Variants in PRKACB observed in about 807,000 individuals in gnomAD.
PRKACB encodes the protein protein kinase cAMP-activated catalytic subunit beta.
In PRKACB, 16 loss-of-function variants were observed where a neutral mutation model predicts 51.4. That is an observed-to-expected ratio of 0.31 (90% CI 0.21 to 0.47). PRKACB has a LOEUF of 0.47. PRKACB is among the 20% of genes least tolerant of loss of function. PRKACB has a pLI of 1.00. For missense variants in PRKACB, 309 were observed against 464.5 expected (o/e 0.67, Z 3.08); for synonymous variants, 147 against 154.4 (o/e 0.95, Z 0.35).
intron 1 of PRKACB, among the ~76,000 whole-genome samples, chr1:84,145,403 T>C (rs1264978632): frequency 6.6e-6 from 1 of 152,136 alleles, no homozygotes; most frequent in East Asian, 1.9e-4. Flanking sequence ...GATCATCAAA[T>C]AGCACTAGCG....
chr1:84,097,859 T>C (rs1649045100), intron 1 of PRKACB, among the ~76,000 whole-genome samples: 1 of 152,098 alleles, frequency 6.6e-6, no homozygotes, highest in Non-Finnish European at 1.5e-5. Context: ...AGGCCCTCAA[T>C]ACATTGGATA....
chr1:84,150,604 T>C (rs1449555324), intron 1 of PRKACB, among the ~76,000 whole-genome samples: 5 of 152,130 alleles, frequency 3.3e-5, no homozygotes, highest in Non-Finnish European at 7.3e-5. Flanking sequence ...ACTGGTTGTT[T>C]TTTTAAAACA....
chr1:84,203,749 G>A (rs1441488113), intron 8 of PRKACB, among the ~76,000 whole-genome samples: 1 of 151,966 alleles, frequency 6.6e-6, no homozygotes, highest in East Asian at 1.9e-4. Context: ...AGGAAATAGA[G>A]CATCAATCTT....
rs200658497 is a variant in PRKACB, at chr1:84,216,342, G to T, written c.1071+2025G>T. 1.1e-3 allele frequency among the ~76,000 whole-genome samples: 161 copies of T among 151,766 alleles called. 1 individual carries two copies. The highest frequency in any genetic ancestry group is 3.4e-3 in the African/African-American group (140 of 41,384). On this transcript the variant is annotated intron_variant, in intron 9 of 9. Coordinates refer to ENST00000370685, the MANE Select transcript of PRKACB (RefSeq NM_182948.4). ...TGACAGAACAAGACCCCGTCTCAAA[G>T]AAATAAATAAATAAATAAAGATTAC...
At chr1:84,175,132 C>T (rs1660794271) in intron 1 of PRKACB, 13 of 1,253,764 alleles carry the variant, frequency 1.0e-5, no homozygotes, top group Non-Finnish European at 1.3e-5. Context: ...TTTTATTTTC[C>T]TTATAAAGTT....
At chr1:84,128,928 G>C (rs1651904053) in intron 1 of PRKACB, among the ~76,000 whole-genome samples, 1 of 152,108 alleles carries the variant, frequency 6.6e-6, no homozygotes, top group South Asian at 2.1e-4. Context: ...ATGTGACTGA[G>C]GAACTAAATT....
At chr1:84,196,382 G>A (rs953312117) in intron 5 of PRKACB, among the ~76,000 whole-genome samples, 1 of 151,978 alleles carries the variant, frequency 6.6e-6, no homozygotes, top group South Asian at 2.1e-4. Context: ...ACTATTTTAG[G>A]TTTATATTTT....
At chr1:84,144,223 A>G (rs1653725647), upstream of PRKACB, 2 of 1,427,734 alleles carry the variant, frequency 1.4e-6, no homozygotes, top group Non-Finnish European at 1.8e-6. Flanking sequence ...TTAACAGGAA[A>G]CAGAACAGCA....
At chr1:84,232,318 G>T (rs1427100557) in intron 9 of PRKACB, among the ~76,000 whole-genome samples, 1 of 152,058 alleles carries the variant, frequency 6.6e-6, no homozygotes, top group Non-Finnish European at 1.5e-5. Flanking sequence ...TTTTACATTT[G>T]CTGAGGAGAG....
chr1:84,177,035 A>G (rs1002385102), intron 1 of PRKACB, among the ~76,000 whole-genome samples: 1 of 152,036 alleles, frequency 6.6e-6, no homozygotes, highest in African/African-American at 2.4e-5. Flanking sequence ...CTTAGCATAA[A>G]GTGACAGGAG....
intron 1 of PRKACB, among the ~76,000 whole-genome samples, chr1:84,171,920 A>C (rs1258765219): frequency 6.6e-6 from 1 of 151,696 alleles, no homozygotes; most frequent in Non-Finnish European, 1.5e-5. Flanking sequence ...TCCCTTTTAC[A>C]ATAGCAACCA....
At chr1:84,144,619 C>T (rs1388054868) in intron 1 of PRKACB, 71 bp downstream of exon 1, 6 of 1,402,446 alleles carry the variant, frequency 4.3e-6, no homozygotes, top group Non-Finnish European at 5.8e-6. Flanking sequence ...TACAATCAAA[C>T]ATAAAGAACC....
rs41301188 is a variant in PRKACB at position 84,235,074 on chromosome 1, G to C, written c.1072-106G>C. On this transcript the variant is annotated intron_variant, in intron 9 of 9. Coordinates refer to ENST00000370685, the MANE Select transcript of PRKACB (RefSeq NM_182948.4). ...ATTTTAGGAACCTAATGGCATCTAA[G>C]GATTTCACCGTGTAATAACAGTGGG... 5.5e-3 allele frequency: 6,789 copies of C among 1,240,830 alleles called. 300 individuals are homozygous for C. In the African/African-American group the frequency reaches 0.089, roughly 16 times the overall value. The allele number at this position is 1,240,830 out of a possible 1,614,324, so 76.9% of individuals were successfully genotyped here.
At chr1:84,130,653 CAT>C (rs1438859175) in intron 1 of PRKACB, among the ~76,000 whole-genome samples, 1 of 152,076 alleles carries the variant, frequency 6.6e-6, no homozygotes, top group African/African-American at 2.4e-5. Flanking sequence ...TCGCAACTGA[CAT>C]AAATTTACAG....
chr1:84,207,321 G>A lies in PRKACB; in HGVS notation c.906+4516G>A, dbSNP rs186850381. 4.6e-5 allele frequency among the ~76,000 whole-genome samples: 7 copies of A among 152,246 alleles called. No homozygotes were observed. In the East Asian group the frequency reaches 1.3e-3, roughly 29 times the overall value. On this transcript the variant is annotated intron_variant, in intron 8 of 9. Transcript: ENST00000370685. The stretch of plus-strand genomic sequence containing the variant: ...TGCATAGGTAAGGGAACAGATTAGA[G>A]AGCCCACAGATGCAGTACCAATATT...
chr1:84,103,062 A>G (rs1649472983), intron 1 of PRKACB, among the ~76,000 whole-genome samples: 1 of 152,200 alleles, frequency 6.6e-6, no homozygotes, highest in African/African-American at 2.4e-5. Flanking sequence ...GGCCTCATCT[A>G]TACCTGCATT....
intron 8 of PRKACB, among the ~76,000 whole-genome samples, chr1:84,206,106 A>G (rs1671303196): frequency 6.6e-6 from 1 of 152,206 alleles, no homozygotes; most frequent in African/African-American, 2.4e-5. Context: ...AAGGTACTCA[A>G]GTAACAGCTA....
intron 6 of PRKACB, 54 bp downstream of exon 6, chr1:84,196,796 A>G (rs1446197930): frequency 6.7e-7 from 1 of 1,502,534 alleles, no homozygotes; most frequent in Non-Finnish European, 9.0e-7. Flanking sequence ...TAGGCAAGAC[A>G]TTGTATGTAT....
At chr1:84,195,169 G>T (rs1169545161) in intron 5 of PRKACB, among the ~76,000 whole-genome samples, 3 of 152,166 alleles carry the variant, frequency 2.0e-5, no homozygotes, top group Non-Finnish European at 4.4e-5. Context: ...TTTAATCTCT[G>T]CTTACAATGT....
Sources: allele counts gnomAD v4.1 joint callset (sites outside exome capture counted in the v4.1 genomes callset), GRCh38; gene constraint gnomAD v4.1.1; transcripts MANE v1.5; gene names NCBI Gene and HGNC (gene_info 2026-07-23, HGNC 2026-07-21).